Variants in C11orf65 observed in about 807,000 individuals in gnomAD.
C11orf65 encodes the protein protein MFI.
C11orf65 carries 38 observed loss-of-function variants against 35.3 expected under a neutral mutation model. The observed-to-expected ratio is 1.08, with a 90% CI of 0.83 to 1.41. The LOEUF is 1.41. C11orf65 is among the 40% of genes most tolerant of loss of function. C11orf65 has a pLI of 0.00. For synonymous variants in C11orf65, 105 were observed against 114.4 expected (o/e 0.92, Z 0.53); for missense variants, 370 against 367.1 (o/e 1.01, Z -0.06).
In C11orf65 at chr11:108,310,327, T is replaced by C. The variant is rs2084042843; in HGVS notation, c.641-1256A>G. On this transcript the variant is annotated intron_variant, in intron 6 of 6. Coordinates refer to the C11orf65 transcript ENST00000525729. ...GATCAAGAGAAAAGGTAATGGAATT[T>C]AGAATTTTTGGTTTTTAAAATTAAT... The C allele has an allele frequency of 1.2e-6, 2 of 1,611,298 alleles. No individual in the cohort carries two copies. Among genetic ancestry groups the C allele is most frequent in the African/African-American group, 1.3e-5 (1 of 74,990 alleles).
intron 2 of C11orf65, chr11:108,365,690 GGAACATCTCT>G: frequency 1.3e-6 from 1 of 760,908 alleles, no homozygotes; most frequent in Non-Finnish European, 2.1e-6. Context: ...ATGGTCTTAA[GGAACATCTCT>G]GCTTTCACTC....
chr11:108,347,690 A>C (rs2088624733), intron 2 of C11orf65, among the ~76,000 whole-genome samples: 1 of 152,142 alleles, frequency 6.6e-6, no homozygotes, highest in Non-Finnish European at 1.5e-5. Context: ...TTTAAGATGT[A>C]GCATGTTGTG....
At chr11:108,318,136 T>G (rs2515885) in intron 6 of C11orf65, among the ~76,000 whole-genome samples, 1 of 151,660 alleles carries the variant, frequency 6.6e-6, no homozygotes, top group Non-Finnish European at 1.5e-5. Flanking sequence ...CCAAGGCGGG[T>G]GGATCGCCTG....
downstream of C11orf65, among the ~76,000 whole-genome samples, chr11:108,379,532 C>T (rs918349017): frequency 5.3e-4 from 80 of 151,290 alleles, no homozygotes; most frequent in Non-Finnish European, 8.8e-4. Flanking sequence ...TGCTAAATGA[C>T]GAGTTAATGG....
At chr11:108,464,194 T>C (rs749966710) in intron 1 of C11orf65, among the ~76,000 whole-genome samples, 4 of 152,232 alleles carry the variant, frequency 2.6e-5, no homozygotes, top group South Asian at 2.1e-4. Flanking sequence ...CCCAAAGTGC[T>C]AGCATTACAG....
chr11:108,461,396 T>C (rs529038408), intron 2 of C11orf65, 83 bp downstream of exon 2: 9 of 1,081,388 alleles, frequency 8.3e-6, no homozygotes, highest in Non-Finnish European at 1.1e-5. Context: ...AGAGATTCTG[T>C]CTTAAAAAAA....
intron 1 of C11orf65, among the ~76,000 whole-genome samples, chr11:108,464,218 C>T (rs1004604043): frequency 2.6e-5 from 4 of 152,038 alleles, no homozygotes; most frequent in Admixed American, 6.6e-5. Flanking sequence ...TAAGCCATTG[C>T]GCTCAGCGGC....
chr11:108,426,425 G>A (rs746589799), intron 3 of C11orf65, among the ~76,000 whole-genome samples: 6 of 151,950 alleles, frequency 3.9e-5, no homozygotes, highest in Non-Finnish European at 8.8e-5. Flanking sequence ...AAAATACCTA[G>A]GAATACAACT....
chr11:108,345,099 T>C (rs907369010), intron 2 of C11orf65, among the ~76,000 whole-genome samples: 26 of 152,234 alleles, frequency 1.7e-4, no homozygotes, highest in Admixed American at 3.3e-4. Context: ...CTTTACTGCA[T>C]TGAAGAATAG....
chr11:108,353,763 T>C lies in C11orf65; in HGVS notation c.227-18471A>G, dbSNP rs1060501550. On this transcript the variant is annotated intron_variant, in intron 2 of 3. Transcript: ENST00000524755. ...CCTAACTTCACTGTATTCTTTACTTTAGGTGTTGCTTTTGAACAGGGCAAA... is the reference window on the plus strand; with the variant it reads ...CCTAACTTCACTGTATTCTTTACTTCAGGTGTTGCTTTTGAACAGGGCAAA... 6.3e-7 allele frequency: 1 copy of C among 1,595,464 alleles called. No individual in the cohort carries two copies. Among genetic ancestry groups the C allele is most frequent in the Non-Finnish European group, 8.6e-7 (1 of 1,163,134 alleles).
At chr11:108,404,234 T>G (rs1373448689) in intron 6 of C11orf65, among the ~76,000 whole-genome samples, 1 of 152,244 alleles carries the variant, frequency 6.6e-6, no homozygotes, top group Non-Finnish European at 1.5e-5. Flanking sequence ...CCCTCTGTAC[T>G]GCAAGTGAAG....
At chr11:108,311,117 C>G (rs2084119904) in intron 6 of C11orf65, among the ~76,000 whole-genome samples, 1 of 151,638 alleles carries the variant, frequency 6.6e-6, no homozygotes, top group Non-Finnish European at 1.5e-5. Flanking sequence ...TAGGCACACA[C>G]CACTGCATCC....
intron 2 of C11orf65, among the ~76,000 whole-genome samples, chr11:108,445,601 C>T (rs1476596391): frequency 6.6e-6 from 1 of 151,934 alleles, no homozygotes; most frequent in African/African-American, 2.4e-5. Context: ...GAAAGGACAT[C>T]CACACCAAAA....
intron 2 of C11orf65, among the ~76,000 whole-genome samples, chr11:108,433,578 TCAAAACAAAA>T (rs140429504): frequency 1.3e-3 from 194 of 148,914 alleles, no homozygotes; most frequent in South Asian, 4.3e-3. Context: ...AGACTCCGTC[TCAAAACAAAA>T]CAAAACAAAA....
chr11:108,357,225 C>T (rs1034443871), intron 2 of C11orf65, among the ~76,000 whole-genome samples: 9 of 152,200 alleles, frequency 5.9e-5, no homozygotes, highest in South Asian at 2.1e-4. Context: ...CCGAATATTG[C>T]GCTTTTTGGA....
chr11:108,350,432 G>C (rs1411878518), intron 2 of C11orf65, among the ~76,000 whole-genome samples: 1 of 152,174 alleles, frequency 6.6e-6, no homozygotes, highest in Admixed American at 6.5e-5. Flanking sequence ...GTTTTGATTA[G>C]AATGTACAAT....
intron 2 of C11orf65, among the ~76,000 whole-genome samples, chr11:108,361,643 G>A (rs1383369084): frequency 1.3e-4 from 19 of 151,506 alleles, no homozygotes; most frequent in South Asian, 4.2e-4. Context: ...AAATAACGCC[G>A]CATGTCTACA....
chr11:108,455,815 C>CAAAAA (rs112701513), intron 2 of C11orf65, among the ~76,000 whole-genome samples: 74 of 56,158 alleles, frequency 1.3e-3, no homozygotes, highest in African/African-American at 3.1e-3. Context: ...GACTCCACCT[C>CAAAAA]AAAAAAAAAA....
At chr11:108,456,838 T>C (rs754999349) in intron 2 of C11orf65, among the ~76,000 whole-genome samples, 3 of 151,744 alleles carry the variant, frequency 2.0e-5, no homozygotes, top group Non-Finnish European at 2.9e-5. Flanking sequence ...AAGTCACAAA[T>C]TGGACTTTAT....
Sources: gnomAD v4.1 joint callset for allele counts (sites outside exome capture counted in the v4.1 genomes callset) on GRCh38, gnomAD v4.1.1 for gene constraint, MANE v1.5 for transcripts, NCBI Gene and HGNC (gene_info 2026-07-23, HGNC 2026-07-21) for gene names.